INPP4B: variants seen among roughly 807,000 people sequenced by gnomAD.
INPP4B encodes inositol polyphosphate-4-phosphatase type II B, also known as inositol polyphosphate 4-phosphatase type II.
INPP4B carries 55 observed loss-of-function variants against 122.5 expected under a neutral mutation model. That is an observed-to-expected ratio of 0.45 (90% CI 0.36 to 0.56). INPP4B has a LOEUF of 0.56. INPP4B is among the 20% of genes least tolerant of loss of function. The pLI, the probability that INPP4B is intolerant of heterozygous loss-of-function variation, is 0.00. For missense variants in INPP4B, 1,000 were observed against 1,097.7 expected, an observed-to-expected ratio of 0.91 and a Z score of 1.26; for synonymous variants, 403 against 388.7, an observed-to-expected ratio of 1.04 and a Z score of -0.43.
intron 14 of INPP4B, among the ~76,000 whole-genome samples, chr4:142,198,462 T>G (rs1256971928): frequency 6.6e-6 from 1 of 151,202 alleles, no homozygotes; most frequent in Non-Finnish European, 1.5e-5. Context: ...GTTCCTTTTT[T>G]TAAAAAAAAG....
chr4:142,663,734 TTG>T (rs945336944), intron 2 of INPP4B, among the ~76,000 whole-genome samples: 2 of 152,126 alleles, frequency 1.3e-5, no homozygotes, highest in Non-Finnish European at 2.9e-5. Flanking sequence ...ACCATTTTAA[TTG>T]TGTTTTGATT....
At chr4:142,547,296 A>AT (rs1481235055) in intron 2 of INPP4B, among the ~76,000 whole-genome samples, 1 of 151,998 alleles carries the variant, frequency 6.6e-6, no homozygotes, top group Non-Finnish European at 1.5e-5. Flanking sequence ...CTGAGATTTT[A>AT]TTTTTTTAAG....
chr4:142,408,145 T>C (rs1803831532), intron 5 of INPP4B, among the ~76,000 whole-genome samples: 1 of 152,028 alleles, frequency 6.6e-6, no homozygotes, highest in Non-Finnish European at 1.5e-5. Context: ...GGCTGATAAA[T>C]AATGAGTGAT....
chr4:142,360,914 A>T (rs1785168199), intron 7 of INPP4B, among the ~76,000 whole-genome samples: 1 of 151,970 alleles, frequency 6.6e-6, no homozygotes, highest in Admixed American at 6.6e-5. Context: ...ACCAAGGGCA[A>T]ATATTTATAT....
intron 7 of INPP4B, among the ~76,000 whole-genome samples, chr4:142,396,052 G>A (rs1180584061): frequency 6.6e-6 from 1 of 152,052 alleles, no homozygotes; most frequent in Admixed American, 6.5e-5. Context: ...CTCATGTTAA[G>A]TGTTCTTACT....
chr4:142,238,345 T>C (rs1285522130), intron 11 of INPP4B, among the ~76,000 whole-genome samples: 5 of 152,110 alleles, frequency 3.3e-5, no homozygotes, highest in Admixed American at 3.3e-4. Context: ...TATTGATTCT[T>C]CTCTTCTTCT....
intron 25 of INPP4B, among the ~76,000 whole-genome samples, chr4:142,047,142 G>GA (rs780509228): frequency 6.6e-6 from 1 of 152,128 alleles, no homozygotes; most frequent in Non-Finnish European, 1.5e-5. Context: ...TTGTCAAGAA[G>GA]ATGGCTATTA....
chr4:142,844,336 G>C (rs1311180892), intron 1 of INPP4B, among the ~76,000 whole-genome samples: 1 of 152,178 alleles, frequency 6.6e-6, no homozygotes, highest in Non-Finnish European at 1.5e-5. Flanking sequence ...TAGAATAAGA[G>C]CAGTATTTCA....
intron 2 of INPP4B, among the ~76,000 whole-genome samples, chr4:142,645,910 A>G (rs76214572): frequency 0.012 from 1,753 of 152,338 alleles, 31 homozygotes; most frequent in African/African-American, 0.032. Context: ...GGAAGAGAGA[A>G]ACTAACACAT....
At chr4:142,540,137 C>G (rs1170541654) in intron 2 of INPP4B, among the ~76,000 whole-genome samples, 4 of 151,978 alleles carry the variant, frequency 2.6e-5, no homozygotes, top group African/African-American at 7.2e-5. Flanking sequence ...AACTCCAAAA[C>G]CATTTTATCA....
rs764327310 is a variant in INPP4B at position 142,367,186 on chromosome 4, A to ATGTGTG, written c.372+35751_372+35752insCACACA. Reference sequence around the variant, plus strand: ...TAAATAGTGTGTATGTATACATGTAATATGTGTGTGTGTGTGTGTGTGTGT... The same window carrying ATGTGTG: ...TAAATAGTGTGTATGTATACATGTAATGTGTGTATGTGTGTGTGTGTGTGTGTGTGT... On this transcript the variant is annotated intron_variant, in intron 7 of 25. Coordinates refer to ENST00000262992, the MANE Select transcript of INPP4B (RefSeq NM_001101669.3). Among the ~76,000 whole-genome samples, 822 of 106,490 alleles carry ATGTGTG rather than the reference A, an allele frequency of 7.7e-3. 11 individuals carry two copies. Among genetic ancestry groups the ATGTGTG allele is most frequent in the African/African-American group, 0.025 (776 of 30,846 alleles). The allele number at this position is 106,490 out of a possible 152,430, so 69.9% of individuals were successfully genotyped here.
intron 7 of INPP4B, among the ~76,000 whole-genome samples, chr4:142,378,526 C>T (rs900220953): frequency 3.3e-5 from 5 of 152,140 alleles, no homozygotes; most frequent in African/African-American, 1.2e-4. Context: ...ATTTATTCCA[C>T]ATGTATGCTA....
At chr4:142,375,824 G>A (rs956848898) in intron 7 of INPP4B, among the ~76,000 whole-genome samples, 1 of 151,906 alleles carries the variant, frequency 6.6e-6, no homozygotes, top group Non-Finnish European at 1.5e-5. Context: ...CTGGGCCTTT[G>A]ATAATATCAT....
intron 2 of INPP4B, among the ~76,000 whole-genome samples, chr4:142,584,833 T>C (rs1254890321): frequency 2.0e-5 from 3 of 152,124 alleles, no homozygotes; most frequent in South Asian, 2.1e-4. Flanking sequence ...GGGCAGAGTA[T>C]CTACAGAAAT....
intron 2 of INPP4B, among the ~76,000 whole-genome samples, chr4:142,508,967 T>A (rs966560044): frequency 1.3e-5 from 2 of 152,192 alleles, no homozygotes; most frequent in Non-Finnish European, 2.9e-5. Flanking sequence ...CTAAGAGCAC[T>A]CTTCCTAGGC....
chr4:142,105,782 C>CTTTAAGAAA (rs1786763968), intron 23 of INPP4B, among the ~76,000 whole-genome samples: 2 of 152,070 alleles, frequency 1.3e-5, no homozygotes, highest in Non-Finnish European at 2.9e-5. Flanking sequence ...TTAACCTATC[C>CTTTAAGAAA]TTTAACATTG....
chr4:142,643,630 C>T (rs958507822), intron 2 of INPP4B, among the ~76,000 whole-genome samples: 5 of 152,138 alleles, frequency 3.3e-5, no homozygotes, highest in African/African-American at 1.2e-4. Context: ...TCTGTAACAG[C>T]TCCTTGTTCA....
At chr4:142,581,347 T>C (rs1735010013) in intron 2 of INPP4B, among the ~76,000 whole-genome samples, 1 of 151,966 alleles carries the variant, frequency 6.6e-6, no homozygotes, top group South Asian at 2.1e-4. Context: ...CCAAGTCCTA[T>C]TGGAAACCAA....
intron 3 of INPP4B, among the ~76,000 whole-genome samples, chr4:142,433,952 T>C (rs1809876055): frequency 6.6e-6 from 1 of 152,086 alleles, no homozygotes; most frequent in African/African-American, 2.4e-5. Context: ...AAATAAAAAG[T>C]ACAGAAGATG....
Sources: allele counts gnomAD v4.1 joint callset (sites outside exome capture counted in the v4.1 genomes callset), GRCh38; gene constraint gnomAD v4.1.1; transcripts MANE v1.5; gene names NCBI Gene and HGNC (gene_info 2026-07-23, HGNC 2026-07-21).